Variants in PLA2G1B observed in about 807,000 individuals in gnomAD.
PLA2G1B encodes phospholipase A2 group IB.
In PLA2G1B, 12 loss-of-function variants were observed where a neutral mutation model predicts 12.5. That is an observed-to-expected ratio of 0.96 (90% CI 0.62 to 1.56). The LOEUF is 1.56. Ranked by LOEUF, PLA2G1B falls within the 40% of genes most tolerant of loss-of-function variation. PLA2G1B has a pLI of 0.00. For missense variants in PLA2G1B, 189 were observed against 186.7 expected (o/e 1.01, Z -0.07); for synonymous variants, 81 against 73.4 (o/e 1.10, Z -0.53).
At chr12:120,323,108 A>C (rs1179387) in intron 3 of PLA2G1B, among the ~76,000 whole-genome samples, 33,777 of 152,102 alleles carry the variant, frequency 0.22, 4,835 homozygotes, top group African/African-American at 0.42. Flanking sequence ...ATTTATGTAG[A>C]GTTTGAAGTT....
intron 2 of PLA2G1B, among the ~76,000 whole-genome samples, chr12:120,325,284 A>G (rs943757869): frequency 6.6e-6 from 1 of 151,746 alleles, no homozygotes; most frequent in African/African-American, 2.4e-5. Context: ...GACAGCAGTG[A>G]CACGACCTTG....
At chr12:120,325,815 C>T (rs1873330380) in intron 2 of PLA2G1B, 46 bp downstream of exon 2, 2 of 1,598,722 alleles carry the variant, frequency 1.3e-6, no homozygotes, top group African/African-American at 2.7e-5. Context: ...GTGCCCCACC[C>T]CGCCCCCGGC....
At chr12:120,323,485 C>T (rs897544803) in intron 3 of PLA2G1B, among the ~76,000 whole-genome samples, 1 of 152,084 alleles carries the variant, frequency 6.6e-6, no homozygotes, top group Non-Finnish European at 1.5e-5. Flanking sequence ...AGGCTGGTCT[C>T]GAACTTCTCA....
In PLA2G1B at chr12:120,324,934, T is replaced by A. The variant is rs779771517; in HGVS notation, c.322A>T (p.Ser108Cys). 6.2e-7 allele frequency: 1 copy of A among 1,614,080 alleles called. No individual in the cohort carries two copies. Among genetic ancestry groups the A allele is most frequent in the Non-Finnish European group, 8.5e-7 (1 of 1,179,972 alleles). The change falls in exon 3 of 4, where the codon AGC (serine) becomes TGC (cysteine). Residue 108 changes from serine to cysteine, a missense_variant and splice_region_variant. Transcript: ENST00000308366. ...TAGGTCAAGGAAGGGATAAACCTAC[T>A]GCTACAGGTGATTGCCGAGCCAGAG... ...SCSGSAITCS[S>C]KNKECEAFIC...
chr12:120,325,253 G>A (rs1384689189), intron 2 of PLA2G1B, among the ~76,000 whole-genome samples, 192 bp from the exon 3 acceptor site: 1 of 151,272 alleles, frequency 6.6e-6, no homozygotes, highest in African/African-American at 2.4e-5. Context: ...TTGAGACAGA[G>A]TTGCTCTGTT....
intron 3 of PLA2G1B, among the ~76,000 whole-genome samples, chr12:120,322,740 C>T (rs1372734886): frequency 6.6e-6 from 1 of 152,132 alleles, no homozygotes; most frequent in East Asian, 1.9e-4. Context: ...GTGCTCGCCA[C>T]CATGCCCAGC....
intron 1 of PLA2G1B, 46 bp from the exon 2 acceptor site, chr12:120,326,066 C>G: frequency 2.5e-6 from 4 of 1,599,478 alleles, no homozygotes; most frequent in Non-Finnish European, 3.4e-6. Context: ...GCCAGCACCC[C>G]GGGGACACAC....
chr12:120,327,298 AT>A (rs1873371017), intron 1 of PLA2G1B, among the ~76,000 whole-genome samples: 1 of 152,066 alleles, frequency 6.6e-6, no homozygotes, highest in South Asian at 2.1e-4. Flanking sequence ...CGTCTCAAAA[AT>A]AAAATAAAGT....
chr12:120,326,021 C>T lies in PLA2G1B; in HGVS notation c.35-1G>A. The T allele has an allele frequency of 6.2e-7, 1 of 1,613,668 alleles. No homozygotes were observed. ...CTGATGCCGCTGTCGGCGGCGGCCA[C>T]TGCAAGAAGACATAGCCAGAGTTCA... On this transcript the variant is annotated splice_acceptor_variant, in intron 1 of 3. Transcript: ENST00000308366. LOFTEE classifies it high-confidence loss of function.
intron 2 of PLA2G1B, among the ~76,000 whole-genome samples, chr12:120,325,447 G>A (rs1369064825): frequency 1.3e-5 from 2 of 152,032 alleles, no homozygotes; most frequent in Admixed American, 1.3e-4. Context: ...TGATCCGCCC[G>A]CCTCGGCCTC....
At chr12:120,323,086 T>C (rs1010604511) in intron 3 of PLA2G1B, among the ~76,000 whole-genome samples, 1 of 152,204 alleles carries the variant, frequency 6.6e-6, no homozygotes, top group Non-Finnish European at 1.5e-5. Context: ...CCTTCCACTT[T>C]CCATAATAGA....
At chr12:120,325,759 G>A (rs1330843305) in intron 2 of PLA2G1B, 102 bp downstream of exon 2, 3 of 1,044,034 alleles carry the variant, frequency 2.9e-6, no homozygotes, top group Non-Finnish European at 4.3e-6. Context: ...GTTATCCTTA[G>A]CAGATATGCA....
rs1387090538 is a variant in PLA2G1B at position 120,324,982 on chromosome 12, T to C, written c.274A>G (p.Thr92Ala). Residue 92 changes from threonine (T) to alanine (A), a missense_variant, in exon 3 of 4, where the codon ACC (threonine) becomes GCC (alanine). By Grantham distance (58) the Thr-to-Ala change is moderately conservative. Transcript: ENST00000308366. ...SCKFLLDNPY[T>A]HTYSYSCSGS... ...GAGCACGAGTATGAATAGGTGTGGG[T>C]GTACGGGTTGTCCAGCAGAAATTTA... 1 of 1,613,950 alleles carries C rather than the reference T, an allele frequency of 6.2e-7. No homozygotes were observed. Among genetic ancestry groups the C allele is most frequent in the Non-Finnish European group, 8.5e-7 (1 of 1,179,962 alleles).
At chr12:120,325,739 G>T in intron 2 of PLA2G1B, 122 bp downstream of exon 2, 1 of 900,012 alleles carries the variant, frequency 1.1e-6, no homozygotes, top group Non-Finnish European at 1.7e-6. Flanking sequence ...TTGACAAGAG[G>T]TGAAAATATG....
At chr12:120,324,377 A>G (rs1047660635) in intron 3 of PLA2G1B, among the ~76,000 whole-genome samples, 1 of 152,186 alleles carries the variant, frequency 6.6e-6, no homozygotes, top group African/African-American at 2.4e-5. Flanking sequence ...AATGTAAAGA[A>G]ATAAGTAGCC....
intron 2 of PLA2G1B, among the ~76,000 whole-genome samples, chr12:120,325,288 G>C (rs182383449): frequency 6.6e-6 from 1 of 151,396 alleles, no homozygotes; most frequent in Admixed American, 6.6e-5. Flanking sequence ...GCAGTGACAC[G>C]ACCTTGGCTC....
chr12:120,326,461 G>T (rs1565876422), intron 1 of PLA2G1B, among the ~76,000 whole-genome samples: 1 of 148,750 alleles, frequency 6.7e-6, no homozygotes, highest in Non-Finnish European at 1.5e-5. Flanking sequence ...TCCTGCCTCA[G>T]CCTCCCTAGG....
chr12:120,327,675 T>C lies in PLA2G1B; in HGVS notation c.34+45A>G, dbSNP rs779193822. 4.4e-6 allele frequency: 7 copies of C among 1,589,488 alleles called. No individual in the cohort carries two copies. In the South Asian group the frequency reaches 7.7e-5, roughly 18 times the overall value. On this transcript the variant is annotated intron_variant, in intron 1 of 3. Coordinates refer to ENST00000308366, the MANE Select transcript of PLA2G1B (RefSeq NM_000928.3). ...CATTCCAGAGGAGTGAGATCTTAGC[T>C]CACTTGGGAGAGAAAGGCGGGTGGA...
At position 120,326,578 on chromosome 12, in the gene PLA2G1B, TATAATAATAATAATA is replaced by T. The variant is rs56186515; in HGVS notation, c.35-573_35-559del. Among the ~76,000 whole-genome samples, 794 of 139,880 alleles carry T rather than the reference TATAATAATAATAATA, an allele frequency of 5.7e-3. 4 individuals are homozygous for T. The highest frequency in any genetic ancestry group is 1.0e-2 in the Admixed American group (135 of 13,550). 91.8% of individuals were successfully genotyped at this position (139,880 alleles called of 152,430 possible). ...AGCTAGAGATACAGCAGTGAACAGA[TATAATAATAATAATA>T]ATAATAATAATAATAATAATAATAA... On this transcript the variant is annotated intron_variant, in intron 1 of 3. Coordinates refer to ENST00000308366, the MANE Select transcript of PLA2G1B (RefSeq NM_000928.3).
Sources: gnomAD v4.1 joint callset for allele counts (sites outside exome capture counted in the v4.1 genomes callset) on GRCh38, gnomAD v4.1.1 for gene constraint, MANE v1.5 for transcripts, NCBI Gene and HGNC (gene_info 2026-07-23, HGNC 2026-07-21) for gene names.